TBC1D32: variants seen among roughly 807,000 people sequenced by gnomAD.
TBC1D32 encodes TBC1 domain family member 32, also known as protein broad-minded.
TBC1D32 carries 151 observed loss-of-function variants against 170.3 expected under a neutral mutation model. The ratio of observed to expected loss-of-function variants is 0.89; its 90% CI spans 0.78 to 1.01. The LOEUF (loss-of-function observed/expected upper bound fraction) is 1.01. Ranked by LOEUF, TBC1D32 falls within the 50% of genes least tolerant of loss-of-function variation. The probability of loss-of-function intolerance (pLI) is 0.00; values close to 1 mark genes in which losing one functional copy is unlikely to be tolerated. For missense variants in TBC1D32, 1,464 were observed against 1,457.1 expected (o/e 1.00, Z -0.08); for synonymous variants, 498 against 488.0 (o/e 1.02, Z -0.27).
chr6:121,199,985 C>T (rs1274075511), intron 22 of TBC1D32, among the ~76,000 whole-genome samples: 2 of 151,242 alleles, frequency 1.3e-5, no homozygotes, highest in African/African-American at 4.9e-5. Context: ...GCTAATGATG[C>T]ATAAACCTGT....
At chr6:121,293,433 G>T (rs1439728109) in intron 11 of TBC1D32, among the ~76,000 whole-genome samples, 1 of 152,010 alleles carries the variant, frequency 6.6e-6, no homozygotes, top group Non-Finnish European at 1.5e-5. Flanking sequence ...GTTAGATAAA[G>T]AAATTCACCT....
At chr6:121,114,727 G>A (rs1249046321) in intron 27 of TBC1D32, among the ~76,000 whole-genome samples, 1 of 152,122 alleles carries the variant, frequency 6.6e-6, no homozygotes, top group Non-Finnish European at 1.5e-5. Flanking sequence ...TCACTGTTTA[G>A]CTTACCTGTT....
At chr6:121,119,367 G>A (rs1457837444) in intron 26 of TBC1D32, among the ~76,000 whole-genome samples, 1 of 151,870 alleles carries the variant, frequency 6.6e-6, no homozygotes, top group Non-Finnish European at 1.5e-5. Context: ...ACTCACAAAC[G>A]TTTCATAAAT....
In TBC1D32 at chr6:121,311,704, C is replaced by A. The variant is rs549648226; in HGVS notation, c.496-857G>T. On this transcript the variant is annotated intron_variant, in intron 3 of 31. Coordinates refer to ENST00000398212, the MANE Select transcript of TBC1D32 (RefSeq NM_152730.6). ...ATCATGCCACTGCACTCCAGCCTGG[C>A]AACTGAGTGAGACTCCACCTCAAAA... 3.5e-5 allele frequency among the ~76,000 whole-genome samples: 5 copies of A among 142,654 alleles called. No individual in the cohort carries two copies. In the East Asian group the frequency reaches 1.0e-3, roughly 29 times the overall value. The allele number at this position is 142,654 out of a possible 152,430, so 93.6% of individuals were successfully genotyped here. A position where few individuals can be genotyped will look rare whatever the true frequency, so the allele number is the denominator to read the frequency against.
chr6:121,282,882 T>C (rs1008552381), intron 13 of TBC1D32, among the ~76,000 whole-genome samples: 2 of 151,850 alleles, frequency 1.3e-5, no homozygotes, highest in Non-Finnish European at 3.0e-5. Flanking sequence ...ATGTAAATGC[T>C]GTAAAGACAG....
intron 31 of TBC1D32, among the ~76,000 whole-genome samples, chr6:121,082,408 A>G (rs1775729908): frequency 6.6e-6 from 1 of 152,054 alleles, no homozygotes. Flanking sequence ...TGGAACAATT[A>G]TGAATTTATC....
chr6:121,081,026 G>A (rs1364375410), intron 31 of TBC1D32, 136 bp from the exon 32 acceptor site: 3 of 941,608 alleles, frequency 3.2e-6, no homozygotes, highest in Non-Finnish European at 4.7e-6. Flanking sequence ...CAGTAAATGT[G>A]TCATTGCTTT....
intron 17 of TBC1D32, 149 bp downstream of exon 17, chr6:121,255,179 G>C (rs955169013): frequency 1.1e-5 from 4 of 355,070 alleles, no homozygotes; most frequent in African/African-American, 4.4e-5. Context: ...GATCTCTAAA[G>C]TTTTTCCAAA....
intron 15 of TBC1D32, among the ~76,000 whole-genome samples, chr6:121,263,975 T>C (rs1800110926): frequency 6.6e-6 from 1 of 151,908 alleles, no homozygotes; most frequent in African/African-American, 2.4e-5. Flanking sequence ...AATGCCCACA[T>C]CAGGAAGCTA....
In TBC1D32 at chr6:121,125,491, G is replaced by A. The variant is rs370385335; in HGVS notation, c.2983+887C>T. ...AGGAAGGAGGCTGATAGGCTATCTCGTTGGCTCAGACAGGGATGTGTAAGC... is the reference window on the plus strand; with the variant it reads ...AGGAAGGAGGCTGATAGGCTATCTCATTGGCTCAGACAGGGATGTGTAAGC... On this transcript the variant is annotated intron_variant, in intron 26 of 31. Transcript: ENST00000398212. Among the ~76,000 whole-genome samples the A allele has an allele frequency of 2.2e-4, 33 of 152,158 alleles. No individual in the cohort carries two copies. The South Asian group carries it at 3.9e-3, about 18-fold the overall frequency.
intron 22 of TBC1D32, among the ~76,000 whole-genome samples, chr6:121,180,677 G>T (rs1266176110): frequency 6.6e-6 from 1 of 152,138 alleles, no homozygotes; most frequent in Non-Finnish European, 1.5e-5. Context: ...TCCAGGGAAA[G>T]ATTTTTTGGG....
At chr6:121,311,465 C>T (rs964503207) in intron 3 of TBC1D32, among the ~76,000 whole-genome samples, 2 of 152,292 alleles carry the variant, frequency 1.3e-5, no homozygotes, top group South Asian at 4.2e-4. Flanking sequence ...CGCAGTGGCT[C>T]ACACCCATAA....
intron 31 of TBC1D32, among the ~76,000 whole-genome samples, chr6:121,087,138 T>G (rs1235893638): frequency 6.6e-6 from 1 of 152,112 alleles, no homozygotes; most frequent in African/African-American, 2.4e-5. Flanking sequence ...GCCCACATTC[T>G]TGTTGTGTCT....
At chr6:121,244,157 T>C (rs2128368191) in intron 17 of TBC1D32, among the ~76,000 whole-genome samples, 1 of 152,038 alleles carries the variant, frequency 6.6e-6, no homozygotes. Context: ...AACAATTACT[T>C]TTAAATCACA....
At chr6:121,189,447 AAAT>A (rs1689848209) in intron 22 of TBC1D32, among the ~76,000 whole-genome samples, 1 of 150,528 alleles carries the variant, frequency 6.6e-6, no homozygotes, top group African/African-American at 2.4e-5. Flanking sequence ...TTTAAATATT[AAAT>A]ATTATTATAG....
chr6:121,094,651 C>T (rs1017844425), intron 30 of TBC1D32, among the ~76,000 whole-genome samples: 5 of 151,950 alleles, frequency 3.3e-5, no homozygotes, highest in Non-Finnish European at 7.4e-5. Context: ...TCAAATTTTG[C>T]TTGGTTGATT....
rs774442405 is a variant in TBC1D32, at chr6:121,299,660, T to C, written c.1081-155A>G. Among the ~76,000 whole-genome samples, 15 of 152,176 alleles carry C rather than the reference T, an allele frequency of 9.9e-5. 1 individual carries two copies. Among genetic ancestry groups the C allele is most frequent in the Non-Finnish European group, 2.2e-4 (15 of 68,028 alleles). On this transcript the variant is annotated intron_variant, in intron 9 of 31. Transcript: ENST00000398212. ...CAGACAGGTGTTTATGTGTGCATTG[T>C]ATTAGGAGCAAAGCAATCACAAGAA...
intron 2 of TBC1D32, among the ~76,000 whole-genome samples, chr6:121,318,760 TAATA>T (rs139254178): frequency 0.033 from 4,917 of 151,180 alleles, 186 homozygotes; most frequent in East Asian, 0.12. Context: ...TCCAAAATGA[TAATA>T]AATACATGTA....
chr6:121,161,403 C>G (rs996591007), intron 22 of TBC1D32, among the ~76,000 whole-genome samples: 3 of 152,114 alleles, frequency 2.0e-5, no homozygotes, highest in African/African-American at 7.2e-5. Flanking sequence ...CACCATGTGT[C>G]CATATGTTCT....
Sources: allele counts gnomAD v4.1 joint callset (sites outside exome capture counted in the v4.1 genomes callset), GRCh38; gene constraint gnomAD v4.1.1; transcripts MANE v1.5; gene names NCBI Gene and HGNC (gene_info 2026-07-23, HGNC 2026-07-21).